The following ITM2A variants were observed in gnomAD, a reference collection of about 807,000 sequenced individuals.
The protein encoded by ITM2A is integral membrane protein 2A.
Under a neutral mutation model 16.6 loss-of-function variants are expected in ITM2A, and 11 were observed. The ratio of observed to expected loss-of-function variants is 0.66; its 90% confidence interval spans 0.42 to 1.10. ITM2A has a LOEUF of 1.10. Ranked by LOEUF, ITM2A falls within the 50% of genes least tolerant of loss-of-function variation. The pLI, the probability that ITM2A is intolerant of heterozygous loss-of-function variation, is 0.00. For synonymous variants in ITM2A, 102 were observed against 71.2 expected (o/e 1.43, Z -2.18); for missense variants, 243 against 206.8 (o/e 1.17, Z -1.07).
In ITM2A at chrX:79,362,599, C is replaced by A. The variant is rs1925457301; in HGVS notation, c.534G>T (p.Glu178Asp). Reference protein sequence around the residue: ...SIVMPPKNLVELFGKLASGRY... With the variant: ...SIVMPPKNLVDLFGKLASGRY... ...TACATACCGCCAGTTTGCCAAAGAG[C>A]TCTACCAGATTTTTTGGAGGCATAA... Residue 178 changes from glutamate to aspartate, a missense_variant, in exon 4 of 6, where the codon GAG becomes GAT. Physicochemically the swap from Glu to Asp is conservative, Grantham distance 45. Coordinates refer to ENST00000373298, the MANE Select transcript of ITM2A (RefSeq NM_004867.5). 8.4e-7 allele frequency: 1 copy of A among 1,185,051 alleles called. No homozygotes were observed. Among genetic ancestry groups the A allele is most frequent in the South Asian group, 1.9e-5 (1 of 53,540 alleles).
At chrX:79,364,161 G>A (rs892978772) in intron 1 of ITM2A, among the ~76,000 whole-genome samples, 2 of 111,507 alleles carry the variant, frequency 1.8e-5, no homozygotes, top group East Asian at 5.6e-4. Context: ...AGGTTTTAAA[G>A]GTAGGAGTTC....
Position 79,362,460 on chromosome X carries a change from T to C in ITM2A, c.552+121A>G, listed in dbSNP as rs991149526. 6 of 428,101 alleles carry C rather than the reference T, an allele frequency of 1.4e-5. No homozygotes were observed. The Admixed American group carries it at 2.9e-4, about 20-fold the overall frequency. 35.3% of individuals were successfully genotyped at this position (428,101 alleles called of 1,213,427 possible). A position where few individuals can be genotyped will look rare whatever the true frequency, so the allele number is the denominator to read the frequency against. Reference sequence around the variant, plus strand: ...GCAGTTTTAGGTTCACAACGTTTTTTATTTCAAAATTATTTCAATAAAATA... The same window carrying C: ...GCAGTTTTAGGTTCACAACGTTTTTCATTTCAAAATTATTTCAATAAAATA... On this transcript the variant is annotated intron_variant, in intron 4 of 5. Transcript: ENST00000373298.
At chrX:79,365,231 G>T (rs1315777433) in intron 1 of ITM2A, among the ~76,000 whole-genome samples, 3 of 111,926 alleles carry the variant, frequency 2.7e-5, no homozygotes, top group Non-Finnish European at 5.6e-5. Flanking sequence ...AATTCAGGAA[G>T]TTTATTAAGC....
chrX:79,364,439 G>A (rs1422770132), intron 1 of ITM2A, among the ~76,000 whole-genome samples: 3 of 111,525 alleles, frequency 2.7e-5, no homozygotes, highest in Non-Finnish European at 3.8e-5. Context: ...ATTTTGCTTC[G>A]GGATTGAAAC....
rs1569317411 is a variant in ITM2A at position 79,367,312 on chromosome X, T to G, written c.-97A>C. ...TCCTGTTAGCCCAAACAGCACTTAC[T>G]TTATCTTCAGTCTAACACTACTGCA... is the stretch of plus-strand genomic sequence containing the variant. On this transcript the variant is annotated 5_prime_UTR_variant, in exon 1 of 6. Transcript: ENST00000373298. 12 of 519,888 alleles carry G rather than the reference T, an allele frequency of 2.3e-5. 1 individual carries two copies. In the South Asian group the frequency reaches 3.5e-4, roughly 15 times the overall value. The allele number at this position is 519,888 out of a possible 1,213,427, so 42.8% of individuals were successfully genotyped here.
intron 1 of ITM2A, among the ~76,000 whole-genome samples, chrX:79,364,477 T>A (rs764240722): frequency 8.9e-6 from 1 of 112,258 alleles, no homozygotes; most frequent in African/African-American, 3.2e-5. Context: ...AACAAGCAAC[T>A]GATTGTGCCC....
At chrX:79,362,734 T>G (rs755612693) in intron 3 of ITM2A, 43 bp from the exon 4 acceptor site, 2 of 956,227 alleles carry the variant, frequency 2.1e-6, no homozygotes, top group South Asian at 4.2e-5. Context: ...ACAGAAGGCA[T>G]TAACATTGCG....
At position 79,360,950 on chromosome X, in the gene ITM2A, T is replaced by C. The variant is rs773591264; in HGVS notation, c.*139A>G. 5.1e-5 allele frequency: 16 copies of C among 316,383 alleles called. 1 individual carries two copies. Among genetic ancestry groups the C allele is most frequent in the South Asian group, 3.3e-4 (2 of 6,045 alleles). 26.1% of individuals were successfully genotyped at this position (316,383 alleles called of 1,213,427 possible). On this transcript the variant is annotated 3_prime_UTR_variant, in exon 6 of 6. Transcript: ENST00000373298. ...AAGAGCTTGCAGTGGTTAGTAGTTTTTTTTTTTCCTTTTTTTAAAGCATAA... is the reference window on the plus strand; with the variant it reads ...AAGAGCTTGCAGTGGTTAGTAGTTTCTTTTTTTCCTTTTTTTAAAGCATAA...
Position 79,363,651 on chromosome X carries a change from TA to T in ITM2A, c.112-98del, listed in dbSNP as rs763058719. 4 of 527,106 alleles carry T rather than the reference TA, an allele frequency of 7.6e-6. No individual in the cohort carries two copies. The East Asian group carries it at 1.2e-4, about 15-fold the overall frequency. The allele number at this position is 527,106 out of a possible 1,213,427, so 43.4% of individuals were successfully genotyped here. On this transcript the variant is annotated intron_variant, in intron 1 of 5. Coordinates refer to ENST00000373298, the MANE Select transcript of ITM2A (RefSeq NM_004867.5). ...AATTTACCTCCCTTGAAACCCAAGA[TA>T]TTTTTTTAAATGTTAACTCATTTTA...
chrX:79,361,209 T>G, intron 5 of ITM2A, 32 bp from the exon 6 acceptor site: 1 of 1,148,269 alleles, frequency 8.7e-7, no homozygotes, highest in African/African-American at 1.8e-5. Flanking sequence ...AAGTGGCTTT[T>G]GAAATTTTTG....
intron 4 of ITM2A, 151 bp from the exon 5 acceptor site, chrX:79,361,630 G>A: frequency 4.3e-6 from 2 of 467,206 alleles, no homozygotes; most frequent in Non-Finnish European, 7.2e-6. Flanking sequence ...ATTAAGCCTA[G>A]TACCTACTGG....
In ITM2A at chrX:79,362,939, C is replaced by T. The variant is rs1925474306; in HGVS notation, c.441+3G>A. On this transcript the variant is annotated splice_donor_region_variant and intron_variant, in intron 3 of 5. Coordinates refer to ENST00000373298, the MANE Select transcript of ITM2A (RefSeq NM_004867.5). ...GGAATATTTATAAGAATGAGAAGCC[C>T]ACCTTTTCAAAGTCATGAATAATTG... is the stretch of plus-strand genomic sequence containing the variant. 3 of 1,185,588 alleles carry T rather than the reference C, an allele frequency of 2.5e-6. No individual in the cohort carries two copies. The highest frequency in any genetic ancestry group is 3.4e-6 in the Non-Finnish European group (3 of 874,165).
chrX:79,362,454 GTTT>G, intron 4 of ITM2A, 124 bp downstream of exon 4: 3 of 421,295 alleles, frequency 7.1e-6, no homozygotes, highest in Non-Finnish European at 1.2e-5. Flanking sequence ...GGTTCACAAC[GTTT>G]TTTATTTCAA....
intron 4 of ITM2A, among the ~76,000 whole-genome samples, chrX:79,361,795 G>A (rs1206980421): frequency 9.2e-6 from 1 of 108,935 alleles, no homozygotes; most frequent in African/African-American, 3.3e-5. Context: ...GTGTTAGTTT[G>A]TAAGGATAAT....
chrX:79,362,870 C>T, intron 3 of ITM2A, 72 bp downstream of exon 3: 1 of 839,714 alleles, frequency 1.2e-6, no homozygotes, highest in Non-Finnish European at 1.8e-6. Context: ...AATTTAATAC[C>T]TGCCAATGAA....
intron 4 of ITM2A, 56 bp from the exon 5 acceptor site, chrX:79,361,535 A>C (rs1261828894): frequency 6.7e-6 from 7 of 1,050,384 alleles, no homozygotes; most frequent in Non-Finnish European, 9.1e-6. Context: ...TTTAACTTTG[A>C]AGTTCAGGAG....
intron 1 of ITM2A, among the ~76,000 whole-genome samples, chrX:79,364,137 G>T (rs926673043): frequency 1.8e-5 from 2 of 111,759 alleles, no homozygotes; most frequent in African/African-American, 6.5e-5. Flanking sequence ...TCAAAAAGCT[G>T]ATTTTTGAAA....
intron 3 of ITM2A, 82 bp from the exon 4 acceptor site, chrX:79,362,773 G>A (rs1358610075): frequency 5.4e-6 from 4 of 742,247 alleles, no homozygotes; most frequent in South Asian, 5.1e-5. Flanking sequence ...AGATTAAGCG[G>A]CTACATCCTT....
intron 5 of ITM2A, 57 bp downstream of exon 5, chrX:79,361,272 T>A: frequency 9.1e-7 from 1 of 1,098,269 alleles, no homozygotes; most frequent in South Asian, 2.0e-5. Context: ...GTATTCTACC[T>A]CCACTTTCTT....
Sources: gnomAD v4.1 joint callset for allele counts (sites outside exome capture counted in the v4.1 genomes callset) on GRCh38, gnomAD v4.1.1 for gene constraint, MANE v1.5 for transcripts, NCBI Gene and HGNC (gene_info 2026-07-23, HGNC 2026-07-21) for gene names.